Variants in TBX4 observed in about 807,000 individuals in gnomAD.
The protein encoded by TBX4 is T-box transcription factor TBX4.
A neutral mutation model predicts 54.6 loss-of-function variants in TBX4; 13 were observed. The observed-to-expected ratio is 0.24, with a 90% CI of 0.15 to 0.38. The LOEUF is 0.38. Ranked by LOEUF, TBX4 falls within the 10% of genes least tolerant of loss-of-function variation. The pLI is 1.00. For synonymous variants in TBX4, 314 were observed against 306.7 expected, an observed-to-expected ratio of 1.02 and a Z score of -0.25; for missense variants, 631 against 728.5, an observed-to-expected ratio of 0.87 and a Z score of 1.54.
rs890497985 is a variant in TBX4 at position 61,481,219 on chromosome 17, G to GAA, written c.1021+906_1021+907dup. Reference sequence around the variant, plus strand: ...ATAGTTTTTACATTTCAAAACAATTGAAAAAAATCAAAAGAATATTTCATG... The same window carrying GAA: ...ATAGTTTTTACATTTCAAAACAATTGAAAAAAAAATCAAAAGAATATTTCATG... On this transcript the variant is annotated intron_variant, in intron 8 of 8. Transcript: ENST00000644296. The surrounding 1 kb of genome is among the most constrained non-coding windows in gnomAD (Gnocchi z 4.8). The GAA allele has an allele frequency of 2.0e-5, 3 of 151,070 alleles. No individual in the cohort carries two copies. Among genetic ancestry groups the GAA allele is most frequent in the Admixed American group, 6.6e-5 (1 of 15,182 alleles). 9.4% of individuals were successfully genotyped at this position (151,070 alleles called of 1,614,324 possible).
chr17:61,458,764 C>T (rs1318608683), intron 3 of TBX4, among the ~76,000 whole-genome samples: 2 of 152,206 alleles, frequency 1.3e-5, no homozygotes, highest in African/African-American at 4.8e-5. Context: ...GAAGTGCTAG[C>T]GAATAATATT....
At position 61,461,713 on chromosome 17, in the gene TBX4, T is replaced by C. The variant is rs958261992; in HGVS notation, c.281+4082T>C. ...TTCATCCAGATAAAGAAATAGATCA[T>C]CACCACCACCGCCCCAGAATCCTTC... On this transcript the variant is annotated intron_variant, in intron 3 of 8. Transcript: ENST00000644296. This position sits in a 1 kb window ranked among gnomAD's most constrained non-coding sequence, Gnocchi z 5.1. Among the ~76,000 whole-genome samples, 3 of 151,996 alleles carry C rather than the reference T, an allele frequency of 2.0e-5. No homozygotes were observed. The highest frequency in any genetic ancestry group is 4.4e-5 in the Non-Finnish European group (3 of 67,974).
chr17:61,483,646 G>GTGTGTGTA lies in TBX4; in HGVS notation c.*132_*139dup. ...TGTGTGTGTGTGTGTGTGTGTGTGT[G>GTGTGTGTA]TGTGTGTATACACGAGCATGTATGT... On this transcript the variant is annotated 3_prime_UTR_variant, in exon 9 of 9. Coordinates refer to ENST00000644296, the MANE Select transcript of TBX4 (RefSeq NM_001321120.2). This position sits in a 1 kb window ranked among gnomAD's most constrained non-coding sequence, Gnocchi z 6.6. The GTGTGTGTA allele has an allele frequency of 8.5e-7, 1 of 1,170,498 alleles. No individual in the cohort carries two copies. Among genetic ancestry groups the GTGTGTGTA allele is most frequent in the South Asian group, 1.3e-5 (1 of 76,728 alleles). 72.5% of individuals were successfully genotyped at this position (1,170,498 alleles called of 1,614,324 possible).
intron 4 of TBX4, among the ~76,000 whole-genome samples, chr17:61,467,178 A>C (rs1369645579): frequency 1.3e-5 from 2 of 152,172 alleles, no homozygotes; most frequent in Non-Finnish European, 2.9e-5. Flanking sequence ...ATTTTAAATC[A>C]TAAGTGTAAA....
At position 61,460,929 on chromosome 17, in the gene TBX4, T is replaced by A. The variant is rs1261434562; in HGVS notation, c.281+3298T>A. On this transcript the variant is annotated intron_variant, in intron 3 of 8. Coordinates refer to ENST00000644296, the MANE Select transcript of TBX4 (RefSeq NM_001321120.2). This position sits in a 1 kb window ranked among gnomAD's most constrained non-coding sequence, Gnocchi z 4.4. Reference sequence around the variant, plus strand: ...TACCGATGAGAACTCCTGTTGAACCTGTATTGTTTGTTATTCTGAGGCAAG... The same window carrying A: ...TACCGATGAGAACTCCTGTTGAACCAGTATTGTTTGTTATTCTGAGGCAAG... Among the ~76,000 whole-genome samples the A allele has an allele frequency of 1.3e-5, 2 of 152,152 alleles. No individual in the cohort carries two copies. Among genetic ancestry groups the A allele is most frequent in the Non-Finnish European group, 1.5e-5 (1 of 68,030 alleles).
At position 61,483,613 on chromosome 17, in the gene TBX4, AGTGTGTGT is replaced by A. The variant is rs149977669; in HGVS notation, c.*130_*137del. On this transcript the variant is annotated 3_prime_UTR_variant, in exon 9 of 9. Coordinates refer to ENST00000644296, the MANE Select transcript of TBX4 (RefSeq NM_001321120.2). The surrounding 1 kb of genome is among the most constrained non-coding windows in gnomAD (Gnocchi z 6.6). Reference sequence around the variant, plus strand: ...ACCAAGAAACACAGGAAGGTATTCCAGTGTGTGTGTGTGTGTGTGTGTGTGTGTGTGTG... The same window carrying A: ...ACCAAGAAACACAGGAAGGTATTCCAGTGTGTGTGTGTGTGTGTGTGTGTG... 590 of 782,836 alleles carry A rather than the reference AGTGTGTGT, an allele frequency of 7.5e-4. 1 individual carries two copies. The highest frequency in any genetic ancestry group is 7.1e-3 in the South Asian group (409 of 57,296). 48.5% of individuals were successfully genotyped at this position (782,836 alleles called of 1,614,324 possible).
rs2060646442 is a variant in TBX4 at position 61,479,345 on chromosome 17, G to C, written c.703-536G>C. On this transcript the variant is annotated intron_variant, in intron 6 of 8. Coordinates refer to ENST00000644296, the MANE Select transcript of TBX4 (RefSeq NM_001321120.2). This position sits in a 1 kb window ranked among gnomAD's most constrained non-coding sequence, Gnocchi z 6.1. ...GCCGCCCGTCTGCTTTCCACAGTAT[G>C]CACACAGGGACTGGCAAGGTGGGCA... Among the ~76,000 whole-genome samples, 1 of 152,202 alleles carries C rather than the reference G, an allele frequency of 6.6e-6. No homozygotes were observed. Among genetic ancestry groups the C allele is most frequent in the Non-Finnish European group, 1.5e-5 (1 of 68,042 alleles).
In TBX4 at chr17:61,481,050, A is replaced by G. The variant is rs557817552; in HGVS notation, c.1021+731A>G. 9.9e-5 allele frequency among the ~76,000 whole-genome samples: 15 copies of G among 152,236 alleles called. No individual in the cohort carries two copies. The highest frequency in any genetic ancestry group is 3.6e-4 in the African/African-American group (15 of 41,526). The stretch of plus-strand genomic sequence containing the variant: ...CTGGGGACTTTTGCTTGCCTTCCGG[A>G]ATGTTCCCTCAGCCCTGGTCCTAGG... On this transcript the variant is annotated intron_variant, in intron 8 of 8. Transcript: ENST00000644296. This position sits in a 1 kb window ranked among gnomAD's most constrained non-coding sequence, Gnocchi z 4.8.
At position 61,483,001 on chromosome 17, in the gene TBX4, C is replaced by A; in HGVS notation, c.1126C>A (p.Gln376Lys). 1 of 1,614,124 alleles carries A rather than the reference C, an allele frequency of 6.2e-7. No individual in the cohort carries two copies. The highest frequency in any genetic ancestry group is 2.2e-5 in the East Asian group (1 of 44,858). The change falls in exon 9 of 9, where the codon CAG (glutamine) becomes AAG (lysine). Residue 376 changes from glutamine (Q) to lysine (K), a missense_variant. Gln to Lys is a moderately conservative substitution (Grantham distance 53). Transcript: ENST00000644296. The surrounding 1 kb of genome is among the most constrained non-coding windows in gnomAD (Gnocchi z 6.6). ...TTTCCGTTCCCCCCCTCCCTACGAC[C>A]AGCAAATGCTGAGCCCCTCCTACTG... ...HYFRSPPPYD[Q>K]QMLSPSYCSE...
Position 61,457,446 on chromosome 17 carries a change from C to T in TBX4, c.187-91C>T. On this transcript the variant is annotated intron_variant, in intron 2 of 8. Transcript: ENST00000644296. This position sits in a 1 kb window ranked among gnomAD's most constrained non-coding sequence, Gnocchi z 8.2. ...TGGGCTCCGGGCGGGCAGGGTTCCG[C>T]ACAGCTCTTCGGGTCTGGTTCTTCT... The T allele has an allele frequency of 7.9e-7, 1 of 1,268,762 alleles. No individual in the cohort carries two copies. Among genetic ancestry groups the T allele is most frequent in the South Asian group, 1.2e-5 (1 of 83,682 alleles). The allele number at this position is 1,268,762 out of a possible 1,614,324, so 78.6% of individuals were successfully genotyped here. A position where few individuals can be genotyped will look rare whatever the true frequency, so the allele number is the denominator to read the frequency against.
rs1408153704 is a variant in TBX4 at position 61,462,805 on chromosome 17, C to G, written c.282-3014C>G. 2 of 152,228 alleles carry G rather than the reference C, an allele frequency of 1.3e-5. No individual in the cohort carries two copies. Among genetic ancestry groups the G allele is most frequent in the African/African-American group, 2.4e-5 (1 of 41,450 alleles). 9.4% of individuals were successfully genotyped at this position (152,228 alleles called of 1,614,324 possible). A position where few individuals can be genotyped will look rare whatever the true frequency, so the allele number is the denominator to read the frequency against. Reference sequence around the variant, plus strand: ...TGTCATAAATCACAGAAACAATTTACATCTCACTCCATCATTTCAAACCTT... The same window carrying G: ...TGTCATAAATCACAGAAACAATTTAGATCTCACTCCATCATTTCAAACCTT... On this transcript the variant is annotated intron_variant, in intron 3 of 8. Transcript: ENST00000644296. This position sits in a 1 kb window ranked among gnomAD's most constrained non-coding sequence, Gnocchi z 4.5.
intron 1 of TBX4, among the ~76,000 whole-genome samples, chr17:61,454,136 C>T (rs1324203172): frequency 6.6e-6 from 1 of 152,178 alleles, no homozygotes; most frequent in Non-Finnish European, 1.5e-5. Context: ...TTTAACCATA[C>T]AGTATTAAAG....
At chr17:61,473,552 C>G (rs1222588488) in intron 5 of TBX4, among the ~76,000 whole-genome samples, 5 of 152,220 alleles carry the variant, frequency 3.3e-5, no homozygotes, top group Non-Finnish European at 7.3e-5. Flanking sequence ...TCCTCCTTTC[C>G]TCCCACATTT....
rs939434874 is a variant in TBX4 at position 61,461,858 on chromosome 17, C to T, written c.282-3961C>T. On this transcript the variant is annotated intron_variant, in intron 3 of 8. Coordinates refer to ENST00000644296, the MANE Select transcript of TBX4 (RefSeq NM_001321120.2). The surrounding 1 kb of genome is among the most constrained non-coding windows in gnomAD (Gnocchi z 5.1). ...GGTCCGTGTAGCTGTTCCTGGAGTC[C>T]CCAGGGACCTCCGAGAAAGTCGGGG... 1.3e-5 allele frequency among the ~76,000 whole-genome samples: 2 copies of T among 151,992 alleles called. No homozygotes were observed. Among genetic ancestry groups the T allele is most frequent in the African/African-American group, 4.8e-5 (2 of 41,390 alleles).
chr17:61,473,859 A>G (rs981184306), intron 5 of TBX4, among the ~76,000 whole-genome samples: 8 of 152,246 alleles, frequency 5.3e-5, no homozygotes, highest in Non-Finnish European at 1.0e-4. Flanking sequence ...AGTAAGTGCC[A>G]GCTGTTACTG....
intron 3 of TBX4, among the ~76,000 whole-genome samples, chr17:61,463,855 C>G (rs1218801411): frequency 6.6e-6 from 1 of 152,170 alleles, no homozygotes. Flanking sequence ...GATTCTTGGC[C>G]TTACCCCAGG....
rs1025755215 is a variant in TBX4 at position 61,484,420 on chromosome 17, A to G, written c.*904A>G. 1.3e-5 allele frequency: 2 copies of G among 152,198 alleles called. No individual in the cohort carries two copies. Among genetic ancestry groups the G allele is most frequent in the Non-Finnish European group, 2.9e-5 (2 of 68,056 alleles). 9.4% of individuals were successfully genotyped at this position (152,198 alleles called of 1,614,324 possible). ...GATGGGCAATTATGAAACACGCCTCAGCTGGCATCATCCCCAGGAGGCCAC... is the reference window on the plus strand; with the variant it reads ...GATGGGCAATTATGAAACACGCCTCGGCTGGCATCATCCCCAGGAGGCCAC... On this transcript the variant is annotated 3_prime_UTR_variant, in exon 9 of 9. Transcript: ENST00000644296. The surrounding 1 kb of genome is among the most constrained non-coding windows in gnomAD (Gnocchi z 4.1).
In TBX4 at chr17:61,474,728, C is replaced by G. The variant is rs2060606717; in HGVS notation, c.550-3899C>G. Reference sequence around the variant, plus strand: ...TGGCTGGCCCATTTGGCCCCATATCCTCTGCAGCAAATATAAATGTGAAAC... The same window carrying G: ...TGGCTGGCCCATTTGGCCCCATATCGTCTGCAGCAAATATAAATGTGAAAC... On this transcript the variant is annotated intron_variant, in intron 5 of 8. Transcript: ENST00000644296. The surrounding 1 kb of genome is among the most constrained non-coding windows in gnomAD (Gnocchi z 4.6). 2.0e-5 allele frequency among the ~76,000 whole-genome samples: 3 copies of G among 152,186 alleles called. No homozygotes were observed. Among genetic ancestry groups the G allele is most frequent in the Admixed American group, 6.5e-5 (1 of 15,272 alleles).
chr17:61,454,336 G>C (rs2060432118), intron 1 of TBX4, among the ~76,000 whole-genome samples: 1 of 152,262 alleles, frequency 6.6e-6, no homozygotes, highest in South Asian at 2.1e-4. Context: ...TTTGGAAAAC[G>C]AGGCAGCTGA....
Sources: gnomAD v4.1 joint callset for allele counts (sites outside exome capture counted in the v4.1 genomes callset) on GRCh38, gnomAD v4.1.1 for gene constraint, Gnocchi (gnomAD v3.1) non-coding constraint, MANE v1.5 for transcripts, NCBI Gene and HGNC (gene_info 2026-07-23, HGNC 2026-07-21) for gene names.